PRXL2A: variants seen among roughly 807,000 people sequenced by gnomAD.
PRXL2A encodes peroxiredoxin-like 2A.
Under a neutral mutation model 25.6 loss-of-function variants are expected in PRXL2A, and 26 were observed. The observed-to-expected ratio is 1.02, with a 90% confidence interval of 0.74 to 1.41. PRXL2A has a LOEUF of 1.41. Among genes scored for constraint, PRXL2A ranks in the 40% most tolerant of loss-of-function variants. The pLI is 0.00. For synonymous variants in PRXL2A, 98 were observed against 102.9 expected (o/e 0.95, Z 0.29); for missense variants, 246 against 273.9 (o/e 0.90, Z 0.72).
rs755435932 is a variant in PRXL2A, at chr10:80,434,237, C to T, written c.*2138C>T. On this transcript the variant is annotated 3_prime_UTR_variant, in exon 6 of 6. Transcript: ENST00000606162. ...CCAACTTTTTTCCCCTGGGTCCTCA[C>T]GTGCAGTGTGGTCTTCTCTTTCTGA... 6.6e-6 allele frequency: 1 copy of T among 152,158 alleles called. No individual in the cohort carries two copies. Among genetic ancestry groups the T allele is most frequent in the African/African-American group, 2.4e-5 (1 of 41,432 alleles). The allele number at this position is 152,158 out of a possible 1,614,324, so 9.4% of individuals were successfully genotyped here. A position where few individuals can be genotyped will look rare whatever the true frequency, so the allele number is the denominator to read the frequency against.
rs775951926 is a variant in PRXL2A at position 80,420,612 on chromosome 10, C to T, written c.145C>T (p.Leu49=). The T allele has an allele frequency of 3.7e-6, 6 of 1,613,532 alleles. No homozygotes were observed. The Admixed American group carries it at 1.0e-4, about 27-fold the overall frequency. Residue 49 remains leucine, a synonymous_variant, in exon 2 of 6, where the codon CTG becomes TTG. Transcript: ENST00000606162. Reference sequence around the variant, plus strand: ...GCCCCAGAAAGCGGCCCTGGAGTACCTGGAGGATATAGACCTGAAAACACT... The same window carrying T: ...GCCCCAGAAAGCGGCCCTGGAGTACTTGGAGGATATAGACCTGAAAACACT... ...SKPQKAALEY[L]EDIDLKTLEK...
rs181989426 is a variant in PRXL2A, at chr10:80,412,153, G to A, written c.-3+3510G>A. Among the ~76,000 whole-genome samples the A allele has an allele frequency of 2.0e-5, 3 of 152,232 alleles. No homozygotes were observed. The East Asian group carries it at 5.8e-4, about 29-fold the overall frequency. On this transcript the variant is annotated intron_variant, in intron 1 of 5. Coordinates refer to ENST00000606162, the MANE Select transcript of PRXL2A (RefSeq NM_032333.5). ...ACATGGTACTTTAGAGTCTTTGGATGTCAGAGCTAAGACAACCTCATAGAA... is the reference window on the plus strand; with the variant it reads ...ACATGGTACTTTAGAGTCTTTGGATATCAGAGCTAAGACAACCTCATAGAA...
chr10:80,417,003 G>A (rs1012124098), intron 1 of PRXL2A, among the ~76,000 whole-genome samples: 7 of 147,696 alleles, frequency 4.7e-5, no homozygotes, highest in African/African-American at 7.4e-5. Flanking sequence ...TTTATTAAGC[G>A]GGTGGCCAAA....
intron 3 of PRXL2A, among the ~76,000 whole-genome samples, chr10:80,422,814 C>T (rs1844917619): frequency 6.6e-6 from 1 of 152,122 alleles, no homozygotes; most frequent in Non-Finnish European, 1.5e-5. Flanking sequence ...TGACCAGGTC[C>T]AATTCCATGC....
At chr10:80,431,869 G>A (rs1845273942) in intron 5 of PRXL2A, 117 bp from the exon 6 acceptor site, 1 of 735,632 alleles carries the variant, frequency 1.4e-6, no homozygotes, top group Non-Finnish European at 2.4e-6. Flanking sequence ...GGCCATATTT[G>A]GATCTGTGTC....
chr10:80,425,595 C>T (rs575987279), intron 3 of PRXL2A, among the ~76,000 whole-genome samples: 5 of 152,190 alleles, frequency 3.3e-5, no homozygotes, highest in South Asian at 4.2e-4. Context: ...GCTAGAGGAG[C>T]GTGTGTCTGC....
At chr10:80,418,120 G>T (rs548495968) in intron 1 of PRXL2A, among the ~76,000 whole-genome samples, 2 of 150,434 alleles carry the variant, frequency 1.3e-5, no homozygotes, top group Non-Finnish European at 3.0e-5. Context: ...GGCTTTTAGT[G>T]TACCCGTTAT....
chr10:80,424,222 A>T (rs1844958629), intron 3 of PRXL2A, among the ~76,000 whole-genome samples: 1 of 151,930 alleles, frequency 6.6e-6, no homozygotes, highest in Admixed American at 6.6e-5. Context: ...TTTCCACGTC[A>T]TGGCTTTGTA....
intron 5 of PRXL2A, among the ~76,000 whole-genome samples, chr10:80,429,676 T>TCCTGC (rs1292160217): frequency 2.2e-5 from 3 of 133,342 alleles, no homozygotes; most frequent in Non-Finnish European, 3.3e-5. Context: ...CCCTAGCCTC[T>TCCTGC]CCTGCCCTGC....
chr10:80,424,316 C>A (rs1183250691), intron 3 of PRXL2A, among the ~76,000 whole-genome samples: 1 of 140,014 alleles, frequency 7.1e-6, no homozygotes, highest in Admixed American at 7.9e-5. Context: ...TGCCTATAAT[C>A]CCAGCACTTT....
rs75874185 is a variant in PRXL2A at position 80,434,908 on chromosome 10, G to A, written c.*2809G>A. 3,317 of 152,270 alleles carry A rather than the reference G, an allele frequency of 0.022. 106 individuals are homozygous for A. The highest frequency in any genetic ancestry group is 0.13 in the South Asian group (623 of 4,820). 9.4% of individuals were successfully genotyped at this position (152,270 alleles called of 1,614,324 possible). A position where few individuals can be genotyped will look rare whatever the true frequency, so the allele number is the denominator to read the frequency against. The stretch of plus-strand genomic sequence containing the variant: ...GATTTACAATTGTAAATTTTATAAA[G>A]TATGTCCTCTAAGAAGAGGGAGGGA... On this transcript the variant is annotated 3_prime_UTR_variant, in exon 6 of 6. Coordinates refer to ENST00000606162, the MANE Select transcript of PRXL2A (RefSeq NM_032333.5).
intron 3 of PRXL2A, among the ~76,000 whole-genome samples, chr10:80,424,338 G>T (rs1194004791): frequency 7.0e-6 from 1 of 143,044 alleles, no homozygotes; most frequent in Non-Finnish European, 1.5e-5. Flanking sequence ...GGAGGCTGAG[G>T]TGAGAAGATC....
At position 80,435,395 on chromosome 10, in the gene PRXL2A, G is replaced by A. The variant is rs984794183; in HGVS notation, c.*3296G>A. ...TTGTTCAAGTCTCTCCGTGTCCGGG[G>A]TGAGCAAAATTGTTTGTGCTGAAAA... On this transcript the variant is annotated 3_prime_UTR_variant, in exon 6 of 6. Coordinates refer to ENST00000606162, the MANE Select transcript of PRXL2A (RefSeq NM_032333.5). 7.9e-5 allele frequency: 12 copies of A among 152,112 alleles called. No homozygotes were observed. Among genetic ancestry groups the A allele is most frequent in the Admixed American group, 5.9e-4 (9 of 15,272 alleles). 9.4% of individuals were successfully genotyped at this position (152,112 alleles called of 1,614,324 possible).
At chr10:80,408,413 G>A (rs900453559), upstream of PRXL2A, 1 of 152,208 alleles carries the variant, frequency 6.6e-6, no homozygotes, top group African/African-American at 2.4e-5. Context: ...AGCGCCACCG[G>A]AGCTAGGAGA....
intron 3 of PRXL2A, 103 bp downstream of exon 3, chr10:80,422,611 A>C: frequency 1.3e-6 from 1 of 778,858 alleles, no homozygotes. Flanking sequence ...TTAGCCTTTT[A>C]CCCACATGTT....
intron 1 of PRXL2A, among the ~76,000 whole-genome samples, chr10:80,412,493 G>A (rs1028154870): frequency 1.3e-5 from 2 of 152,342 alleles, no homozygotes; most frequent in African/African-American, 4.8e-5. Context: ...TGCTGGGGAT[G>A]CAGGAATGAA....
At chr10:80,408,110 C>G (rs1260445788), upstream of PRXL2A, among the ~76,000 whole-genome samples, 1 of 151,222 alleles carries the variant, frequency 6.6e-6, no homozygotes, top group Non-Finnish European at 1.5e-5. Context: ...TCTGTACATA[C>G]AGCTTGAAGG....
At chr10:80,413,383 AAAG>A (rs765497131) in intron 1 of PRXL2A, among the ~76,000 whole-genome samples, 1 of 152,200 alleles carries the variant, frequency 6.6e-6, no homozygotes, top group Non-Finnish European at 1.5e-5. Flanking sequence ...AAAAGGAGGT[AAAG>A]AATAGACAGC....
chr10:80,413,393 C>T (rs1156579377), intron 1 of PRXL2A, among the ~76,000 whole-genome samples: 2 of 152,178 alleles, frequency 1.3e-5, no homozygotes, highest in Non-Finnish European at 2.9e-5. Context: ...AAAGAATAGA[C>T]AGCAGATGAG....
Sources: gnomAD v4.1 joint callset for allele counts (sites outside exome capture counted in the v4.1 genomes callset) on GRCh38, gnomAD v4.1.1 for gene constraint, MANE v1.5 for transcripts, NCBI Gene and HGNC (gene_info 2026-07-23, HGNC 2026-07-21) for gene names.